The following TOGARAM1 variants were observed in gnomAD, a reference collection of about 807,000 sequenced individuals.
The protein encoded by TOGARAM1 is TOG array regulator of axonemal microtubules protein 1.
TOGARAM1 carries 100 observed loss-of-function variants against 166.6 expected under a neutral mutation model. The observed-to-expected ratio is 0.60, with a 90% CI of 0.51 to 0.71. The LOEUF (loss-of-function observed/expected upper bound fraction) is 0.71. TOGARAM1 is among the 30% of genes least tolerant of loss of function. TOGARAM1 has a pLI of 0.00. For missense variants in TOGARAM1, 2,029 were observed against 2,102.7 expected (o/e 0.96, Z 0.69); for synonymous variants, 758 against 763.8 (o/e 0.99, Z 0.13).
chr14:45,021,279 T>TA (rs376590288), intron 7 of TOGARAM1, among the ~76,000 whole-genome samples: 7 of 152,262 alleles, frequency 4.6e-5, no homozygotes, highest in African/African-American at 1.7e-4. Flanking sequence ...GTGGCAGAGT[T>TA]ACAGCAGTTG....
At chr14:44,992,991 A>G (rs1887228083) in intron 1 of TOGARAM1, among the ~76,000 whole-genome samples, 1 of 151,646 alleles carries the variant, frequency 6.6e-6, no homozygotes, top group South Asian at 2.1e-4. Context: ...GGCTGTGTGT[A>G]GTGGCTCACG....
rs755217176 is a variant in TOGARAM1, at chr14:45,001,327, C to G, written c.2338+1830C>G. On this transcript the variant is annotated intron_variant, in intron 3 of 19. Coordinates refer to ENST00000361462, the MANE Select transcript of TOGARAM1 (RefSeq NM_001308120.2). ...AGAAGAAAACATTAGTGAAATACTTCAGGACATTGGTCTGGGCAAAGATTT... is the reference window on the plus strand; with the variant it reads ...AGAAGAAAACATTAGTGAAATACTTGAGGACATTGGTCTGGGCAAAGATTT... Among the ~76,000 whole-genome samples the G allele has an allele frequency of 3.3e-5, 5 of 152,146 alleles. No individual in the cohort carries two copies. The South Asian group carries it at 6.2e-4, about 19-fold the overall frequency.
intron 10 of TOGARAM1, among the ~76,000 whole-genome samples, chr14:45,028,612 A>G (rs925128147): frequency 6.6e-6 from 1 of 152,166 alleles, no homozygotes; most frequent in Non-Finnish European, 1.5e-5. Flanking sequence ...CCCATTTTAT[A>G]GTAGATAACT....
At chr14:45,023,680 T>C (rs960372834) in intron 7 of TOGARAM1, among the ~76,000 whole-genome samples, 6 of 152,160 alleles carry the variant, frequency 3.9e-5, no homozygotes, top group African/African-American at 9.7e-5. Context: ...TCTTGCCCCG[T>C]TGGCAAGCTT....
rs368658299 is a variant in TOGARAM1, at chr14:45,039,599, A to G, written c.3813-4087A>G. 2.2e-3 allele frequency among the ~76,000 whole-genome samples: 340 copies of G among 152,284 alleles called. 4 individuals are homozygous for G. The highest frequency in any genetic ancestry group is 7.9e-3 in the African/African-American group (329 of 41,572). On this transcript the variant is annotated intron_variant, in intron 11 of 19. Transcript: ENST00000361462. ...AGGGGACCATGTCAGCACTGCCCCAAGTGTGTGCACACCCGGCTAGTTCCT... is the reference window on the plus strand; with the variant it reads ...AGGGGACCATGTCAGCACTGCCCCAGGTGTGTGCACACCCGGCTAGTTCCT...
rs1171702041 is a variant in TOGARAM1, at chr14:44,990,953, C to CTTTTTTTTTTT, written c.2047-4780_2047-4770dup. On this transcript the variant is annotated intron_variant, in intron 1 of 19. Coordinates refer to ENST00000361462, the MANE Select transcript of TOGARAM1 (RefSeq NM_001308120.2). ...TGTGAGCCACTACACCCAGCTGAGGCTTTTTTTTTTTTTTTTTTTTTTTGG... is the reference window on the plus strand; with the variant it reads ...TGTGAGCCACTACACCCAGCTGAGGCTTTTTTTTTTTTTTTTTTTTTTTTTTTTTTTTTTGG... Among the ~76,000 whole-genome samples, 47 of 74,194 alleles carry CTTTTTTTTTTT rather than the reference C, an allele frequency of 6.3e-4. 5 individuals are homozygous for CTTTTTTTTTTT. Among genetic ancestry groups the CTTTTTTTTTTT allele is most frequent in the African/African-American group, 2.6e-3 (36 of 13,950 alleles). 48.7% of individuals were successfully genotyped at this position (74,194 alleles called of 152,430 possible).
At chr14:45,042,659 C>A (rs1002694220) in intron 11 of TOGARAM1, among the ~76,000 whole-genome samples, 6 of 152,060 alleles carry the variant, frequency 3.9e-5, no homozygotes, top group African/African-American at 1.4e-4. Flanking sequence ...TAAAAGTTAT[C>A]TTTACACTAT....
intron 10 of TOGARAM1, 70 bp from the exon 11 acceptor site, chr14:45,032,153 C>G: frequency 7.2e-7 from 1 of 1,389,770 alleles, no homozygotes; most frequent in South Asian, 1.4e-5. Flanking sequence ...CAGCGAGACT[C>G]CATCTCAAAA....
rs564801744 is a variant in TOGARAM1 at position 45,041,728 on chromosome 14, T to G, written c.3813-1958T>G. Among the ~76,000 whole-genome samples the G allele has an allele frequency of 8.5e-5, 13 of 152,330 alleles. No homozygotes were observed. In the South Asian group the frequency reaches 2.5e-3, roughly 29 times the overall value. ...TTAGTTAATAGCCCTGCCTTACACA[T>G]TTGGTTGTTCATTCCAAGTCAGGGT... On this transcript the variant is annotated intron_variant, in intron 11 of 19. Transcript: ENST00000361462.
At chr14:44,978,673 C>A (rs1886349169) in intron 1 of TOGARAM1, among the ~76,000 whole-genome samples, 1 of 152,068 alleles carries the variant, frequency 6.6e-6, no homozygotes, top group African/African-American at 2.4e-5. Flanking sequence ...TGGCACATGT[C>A]TATAGTCCCA....
intron 1 of TOGARAM1, among the ~76,000 whole-genome samples, chr14:44,968,124 G>A (rs1885659493): frequency 2.0e-5 from 3 of 152,098 alleles, no homozygotes; most frequent in Admixed American, 6.6e-5. Flanking sequence ...CAGAAATCAA[G>A]TTGTAATTAC....
intron 7 of TOGARAM1, 70 bp downstream of exon 7, chr14:45,012,145 A>T: frequency 1.0e-6 from 1 of 1,000,616 alleles, no homozygotes. Flanking sequence ...AATGATAGCA[A>T]GTGCATTTCA....
At chr14:45,061,163 G>C (rs778132013) in intron 16 of TOGARAM1, among the ~76,000 whole-genome samples, 2 of 151,504 alleles carry the variant, frequency 1.3e-5, no homozygotes, top group Non-Finnish European at 2.9e-5. Context: ...ATTTATATTC[G>C]TGAAGACTAA....
At chr14:45,022,837 T>G (rs1880603027) in intron 7 of TOGARAM1, 1 of 152,124 alleles carries the variant, frequency 6.6e-6, no homozygotes, top group Non-Finnish European at 1.5e-5. Context: ...ACCCCGGCAG[T>G]GTAAGACTGC....
At chr14:45,065,863 G>A (rs1395887715) in intron 16 of TOGARAM1, among the ~76,000 whole-genome samples, 4 of 152,152 alleles carry the variant, frequency 2.6e-5, no homozygotes, top group Admixed American at 6.5e-5. Flanking sequence ...AGATCTCAAC[G>A]GGCAAGGAAG....
At chr14:45,026,881 G>T (rs1880879021) in intron 8 of TOGARAM1, among the ~76,000 whole-genome samples, 1 of 151,770 alleles carries the variant, frequency 6.6e-6, no homozygotes, top group South Asian at 2.1e-4. Context: ...GGTGCTGTGC[G>T]TCTGTAGTCC....
At chr14:45,047,807 G>A (rs1594690724) in intron 14 of TOGARAM1, among the ~76,000 whole-genome samples, 2 of 152,042 alleles carry the variant, frequency 1.3e-5, no homozygotes, top group African/African-American at 4.8e-5. Context: ...TGTAATCCCA[G>A]CACTTTGGGA....
intron 7 of TOGARAM1, 176 bp from the exon 8 acceptor site, chr14:45,025,607 A>G: frequency 2.0e-6 from 1 of 493,610 alleles, no homozygotes; most frequent in Non-Finnish European, 3.6e-6. Flanking sequence ...TGCCTAGTCC[A>G]TTCTAGTATT....
At chr14:45,011,787 G>GTA (rs893384673) in intron 6 of TOGARAM1, 188 bp from the exon 7 acceptor site, 2 of 181,794 alleles carry the variant, frequency 1.1e-5, no homozygotes, top group Non-Finnish European at 2.3e-5. Context: ...AAATATATAT[G>GTA]TGTGTGTGTG....
Sources: allele counts gnomAD v4.1 joint callset (sites outside exome capture counted in the v4.1 genomes callset), GRCh38; gene constraint gnomAD v4.1.1; transcripts MANE v1.5; gene names NCBI Gene and HGNC (gene_info 2026-07-23, HGNC 2026-07-21).